The following TG variants were observed in gnomAD, a reference collection of about 807,000 sequenced individuals.
TG encodes the protein thyroid hormones.
In TG, 270 loss-of-function variants were observed where a neutral mutation model predicts 324.7. The ratio of observed to expected loss-of-function variants is 0.83; its 90% CI spans 0.75 to 0.92. The LOEUF (loss-of-function observed/expected upper bound fraction) is 0.92. Ranked by LOEUF, TG falls within the 40% of genes least tolerant of loss-of-function variation. TG has a pLI of 0.00. For synonymous variants in TG, 1,401 were observed against 1,327.0 expected, an observed-to-expected ratio of 1.06 and a Z score of -1.21; for missense variants, 3,591 against 3,456.4, an observed-to-expected ratio of 1.04 and a Z score of -0.98.
rs1211535762 is a variant in TG at position 132,886,769 on chromosome 8, G to C, written c.1397G>C (p.Arg466Thr). Reference sequence around the variant, plus strand: ...CTTCAGTTTACCACCAACCCAAAGAGACTCCAGCAAAACCTTTTTGGAGGG... The same window carrying C: ...CTTCAGTTTACCACCAACCCAAAGACACTCCAGCAAAACCTTTTTGGAGGG... The part of the protein sequence containing the change: ...LALQFTTNPK[R>T]LQQNLFGGKF... The change falls in exon 9 of 48, where the codon AGA becomes ACA. Residue 466 changes from arginine (R) to threonine (T), a missense_variant. Transcript: ENST00000220616. 1.9e-6 allele frequency: 3 copies of C among 1,614,200 alleles called. No homozygotes were observed. The highest frequency in any genetic ancestry group is 2.2e-5 in the South Asian group (2 of 91,082).
At chr8:132,946,955 T>A (rs1301237215) in intron 26 of TG, among the ~76,000 whole-genome samples, 2 of 152,200 alleles carry the variant, frequency 1.3e-5, no homozygotes, top group African/African-American at 4.8e-5. Flanking sequence ...CTGCCTCTTG[T>A]TAATTCCATC....
intron 32 of TG, 25 bp downstream of exon 32, chr8:132,969,594 A>G (rs1214722048): frequency 7.2e-7 from 1 of 1,392,294 alleles, no homozygotes; most frequent in Non-Finnish European, 1.0e-6. Context: ...TCTCACCCCT[A>G]ATGTTTATTA....
intron 41 of TG, among the ~76,000 whole-genome samples, chr8:133,046,136 G>C (rs1176706940): frequency 2.0e-5 from 3 of 152,172 alleles, no homozygotes; most frequent in Non-Finnish European, 4.4e-5. Flanking sequence ...GAAAGAATTG[G>C]ATGTAGGCCA....
intron 35 of TG, among the ~76,000 whole-genome samples, chr8:133,009,491 C>A (rs1419383367): frequency 2.0e-5 from 3 of 151,976 alleles, no homozygotes; most frequent in African/African-American, 7.3e-5. Context: ...TGTTATTTGG[C>A]AACTTCTCTG....
At position 132,991,882 on chromosome 8, in the gene TG, C is replaced by T. The variant is rs149422038; in HGVS notation, c.6262+8470C>T. Among the ~76,000 whole-genome samples the T allele has an allele frequency of 2.2e-4, 34 of 152,012 alleles. No individual in the cohort carries two copies. The East Asian group carries it at 5.0e-3, about 23-fold the overall frequency. On this transcript the variant is annotated intron_variant, in intron 35 of 47. Coordinates refer to ENST00000220616, the MANE Select transcript of TG (RefSeq NM_003235.5). ...GACCTCTTCTCTGTCTCTCTGAGAC[C>T]GAGAGATTGAGAAGGAAAAAGAAAC...
intron 43 of TG, among the ~76,000 whole-genome samples, chr8:133,107,952 TG>T (rs1260525702): frequency 6.6e-6 from 1 of 151,914 alleles, no homozygotes; most frequent in Non-Finnish European, 1.5e-5. Flanking sequence ...CATCCATGAT[TG>T]GGGCCAGTCC....
At chr8:133,111,670 A>G (rs1360636953) in intron 43 of TG, among the ~76,000 whole-genome samples, 7 of 152,110 alleles carry the variant, frequency 4.6e-5, no homozygotes, top group African/African-American at 7.2e-5. Context: ...CGTGAGTGCT[A>G]TTTCAGGTCT....
At chr8:132,946,447 G>A (rs1023658183) in intron 26 of TG, among the ~76,000 whole-genome samples, 1 of 152,186 alleles carries the variant, frequency 6.6e-6, no homozygotes, top group Non-Finnish European at 1.5e-5. Flanking sequence ...GTATCGGGCA[G>A]ATGTTTTCCC....
intron 41 of TG, chr8:133,047,695 G>T (rs1393767621): frequency 2.9e-6 from 2 of 692,314 alleles, no homozygotes; most frequent in East Asian, 5.4e-5. Flanking sequence ...CGTGTGGGCT[G>T]CAGGGAGCTT....
At chr8:132,947,639 T>C (rs1211281576) in intron 26 of TG, among the ~76,000 whole-genome samples, 2 of 5,210 alleles carry the variant, frequency 3.8e-4, no homozygotes, top group Non-Finnish European at 6.3e-4. Flanking sequence ...ATATTGCCCT[T>C]TTTTTTTTTT....
intron 41 of TG, among the ~76,000 whole-genome samples, chr8:133,078,436 A>T (rs1198336817): frequency 6.6e-6 from 1 of 152,058 alleles, no homozygotes; most frequent in African/African-American, 2.4e-5. Flanking sequence ...CTCCTCCACC[A>T]CCCTAACCAT....
chr8:132,873,136 G>C lies in TG; in HGVS notation c.553G>C (p.Ala185Pro), dbSNP rs1232081516. The C allele has an allele frequency of 1.9e-6, 3 of 1,614,056 alleles. No individual in the cohort carries two copies. The African/African-American group carries it at 4.0e-5, about 22-fold the overall frequency. Residue 185 changes from alanine to proline, a missense_variant, in exon 5 of 48, where the codon GCG becomes CCG. By Grantham distance (27) the Ala-to-Pro change is conservative (BLOSUM62 -1). Coordinates refer to ENST00000220616, the MANE Select transcript of TG (RefSeq NM_003235.5). ...VGDKSPPQCS[A>P]EGEFMPVQCK... ...AGATAAGTCACCACCCCAGTGTTCTGCGGAGGGAGAGTTTATGCCTGTCCA... is the reference window on the plus strand; with the variant it reads ...AGATAAGTCACCACCCCAGTGTTCTCCGGAGGGAGAGTTTATGCCTGTCCA...
At chr8:133,097,685 T>C (rs1340624271) in intron 43 of TG, among the ~76,000 whole-genome samples, 1 of 152,230 alleles carries the variant, frequency 6.6e-6, no homozygotes, top group Non-Finnish European at 1.5e-5. Flanking sequence ...GTAAAAAGAT[T>C]CACAACATGC....
Position 133,008,675 on chromosome 8 carries a change from A to G in TG, c.6263-3226A>G, listed in dbSNP as rs1834230365. The stretch of plus-strand genomic sequence containing the variant: ...ACCTGCAAGAACTGGCTCCAGCCCT[A>G]GCTAGCGCTACCACTTAATTAGCCA... On this transcript the variant is annotated intron_variant, in intron 35 of 47. Transcript: ENST00000220616. Among the ~76,000 whole-genome samples, 3 of 152,238 alleles carry G rather than the reference A, an allele frequency of 2.0e-5. No individual in the cohort carries two copies. In the South Asian group the frequency reaches 6.2e-4, roughly 32 times the overall value.
At chr8:133,038,579 C>T in intron 41 of TG, 3 of 1,614,124 alleles carry the variant, frequency 1.9e-6, no homozygotes, top group Non-Finnish European at 2.5e-6. Context: ...CTTGCTGCCA[C>T]CATACATCAG....
intron 40 of TG, among the ~76,000 whole-genome samples, chr8:133,028,088 T>C (rs1480359992): frequency 6.6e-6 from 1 of 152,210 alleles, no homozygotes; most frequent in African/African-American, 2.4e-5. Flanking sequence ...GAAGTCAACA[T>C]TGACCCTTTT....
At chr8:132,979,194 A>G (rs1485524027) in intron 34 of TG, among the ~76,000 whole-genome samples, 1 of 152,140 alleles carries the variant, frequency 6.6e-6, no homozygotes, top group Non-Finnish European at 1.5e-5. Flanking sequence ...AGTACCCCAG[A>G]GCCCAGGGCT....
intron 29 of TG, 69 bp downstream of exon 29, chr8:132,963,143 G>A (rs556747603): frequency 7.1e-7 from 1 of 1,413,290 alleles, no homozygotes; most frequent in South Asian, 1.1e-5. Flanking sequence ...TGCACCAAGA[G>A]TTTAATCAAT....
intron 41 of TG, among the ~76,000 whole-genome samples, chr8:133,085,979 C>T (rs1274655830): frequency 6.6e-6 from 1 of 152,162 alleles, no homozygotes; most frequent in Non-Finnish European, 1.5e-5. Flanking sequence ...CAAATGTTTA[C>T]CAGCCAATGA....
Sources: gnomAD v4.1 joint callset for allele counts (sites outside exome capture counted in the v4.1 genomes callset) on GRCh38, gnomAD v4.1.1 for gene constraint, MANE v1.5 for transcripts, NCBI Gene and HGNC (gene_info 2026-07-23, HGNC 2026-07-21) for gene names.